Variants in SIL1 observed in about 807,000 individuals in gnomAD.
The protein encoded by SIL1 is SIL1 nucleotide exchange factor.
Under a neutral mutation model 49.1 loss-of-function variants are expected in SIL1, and 40 were observed. That is an observed-to-expected ratio of 0.81 (90% CI 0.63 to 1.06). SIL1 has a LOEUF of 1.06. Among genes scored for constraint, SIL1 ranks in the 50% least tolerant of loss-of-function variants. The pLI, the probability that SIL1 is intolerant of heterozygous loss-of-function variation, is 0.00. For synonymous variants in SIL1, 253 were observed against 250.8 expected (o/e 1.01, Z -0.08); for missense variants, 500 against 572.6 (o/e 0.87, Z 1.29).
intron 7 of SIL1, among the ~76,000 whole-genome samples, chr5:138,986,568 A>G (rs1350025959): frequency 6.6e-6 from 1 of 152,158 alleles, no homozygotes; most frequent in Non-Finnish European, 1.5e-5. Flanking sequence ...TCCCAGGCGC[A>G]GGACAACACC....
chr5:139,029,504 T>C (rs1304894552), intron 5 of SIL1, among the ~76,000 whole-genome samples: 1 of 152,094 alleles, frequency 6.6e-6, no homozygotes, highest in Non-Finnish European at 1.5e-5. Context: ...GCTTGCTCTA[T>C]GTCATAATTT....
intron 3 of SIL1, among the ~76,000 whole-genome samples, chr5:139,105,874 G>A (rs567658321): frequency 3.3e-5 from 5 of 152,340 alleles, no homozygotes; most frequent in South Asian, 2.1e-4. Flanking sequence ...GGCAGAAGCC[G>A]GCACAAGGCA....
chr5:139,009,097 A>G (rs1581026314), intron 7 of SIL1, among the ~76,000 whole-genome samples: 1 of 151,590 alleles, frequency 6.6e-6, no homozygotes, highest in East Asian at 1.9e-4. Context: ...GTGGGAGTCT[A>G]AGTCTCTTTG....
chr5:139,098,878 G>A (rs572719636), intron 3 of SIL1, among the ~76,000 whole-genome samples: 61 of 136,664 alleles, frequency 4.5e-4, no homozygotes, highest in Non-Finnish European at 7.1e-4. Context: ...GTGCAGTGGT[G>A]TGATCTCAGC....
At chr5:139,074,071 G>A (rs1028733601) in intron 3 of SIL1, among the ~76,000 whole-genome samples, 24 of 152,094 alleles carry the variant, frequency 1.6e-4, no homozygotes, top group African/African-American at 5.8e-4. Flanking sequence ...TTGTTTTGTT[G>A]TTTGAGACAA....
chr5:139,141,157 G>A (rs940116583), intron 1 of SIL1, among the ~76,000 whole-genome samples: 6 of 152,138 alleles, frequency 3.9e-5, no homozygotes, highest in Admixed American at 1.3e-4. Flanking sequence ...ATCTGACTGG[G>A]AGCTCCACAG....
At chr5:139,173,698 G>C (rs917391751) in intron 1 of SIL1, among the ~76,000 whole-genome samples, 1 of 150,042 alleles carries the variant, frequency 6.7e-6, no homozygotes, top group Non-Finnish European at 1.5e-5. Flanking sequence ...TGTAATCCCA[G>C]CACCTTGGGA....
At chr5:138,969,572 G>A (rs976268497) in intron 7 of SIL1, among the ~76,000 whole-genome samples, 1 of 152,218 alleles carries the variant, frequency 6.6e-6, no homozygotes, top group Non-Finnish European at 1.5e-5. Flanking sequence ...AGTCAGCTCT[G>A]CCCGAGGTCC....
intron 7 of SIL1, among the ~76,000 whole-genome samples, chr5:138,995,234 C>T (rs1365825164): frequency 6.7e-6 from 1 of 149,018 alleles, no homozygotes; most frequent in Non-Finnish European, 1.5e-5. Flanking sequence ...GGATATCTAT[C>T]ACCTTAAATA....
chr5:139,046,938 C>T (rs957231766), intron 4 of SIL1, among the ~76,000 whole-genome samples: 1 of 152,186 alleles, frequency 6.6e-6, no homozygotes, highest in Non-Finnish European at 1.5e-5. Context: ...TACTTCTGTG[C>T]TTATGTACCT....
At chr5:139,113,882 C>T (rs1770930839) in intron 3 of SIL1, among the ~76,000 whole-genome samples, 2 of 152,212 alleles carry the variant, frequency 1.3e-5, no homozygotes, top group Admixed American at 6.5e-5. Context: ...CTAAGTTTTC[C>T]ATCTCAGACA....
intron 1 of SIL1, among the ~76,000 whole-genome samples, chr5:139,151,717 A>G (rs777658920): frequency 6.6e-6 from 1 of 152,230 alleles, no homozygotes; most frequent in Non-Finnish European, 1.5e-5. Context: ...ACCACCAAGG[A>G]AAGAAAATTA....
intron 1 of SIL1, among the ~76,000 whole-genome samples, chr5:139,147,067 G>C (rs1350439758): frequency 6.6e-6 from 1 of 152,148 alleles, no homozygotes; most frequent in Non-Finnish European, 1.5e-5. Flanking sequence ...TGAACAAATA[G>C]GTGAATAAAT....
At chr5:139,152,234 T>C (rs1006672605) in intron 1 of SIL1, among the ~76,000 whole-genome samples, 26 of 152,136 alleles carry the variant, frequency 1.7e-4, no homozygotes, top group Admixed American at 1.7e-3. Flanking sequence ...TGATTTGGAG[T>C]AAATGGTCAG....
At chr5:139,176,929 T>C (rs1751895833) in intron 1 of SIL1, among the ~76,000 whole-genome samples, 1 of 131,924 alleles carries the variant, frequency 7.6e-6, no homozygotes, top group Admixed American at 8.5e-5. Context: ...CTGAGATTCT[T>C]TTTTTTTTTT....
intron 3 of SIL1, among the ~76,000 whole-genome samples, chr5:139,093,147 C>A (rs568315295): frequency 6.6e-6 from 1 of 152,166 alleles, no homozygotes; most frequent in African/African-American, 2.4e-5. Context: ...CCACAAAAGG[C>A]AAGTTCAGCC....
intron 6 of SIL1, chr5:139,022,519 G>A (rs972927971): frequency 6.6e-6 from 1 of 152,238 alleles, no homozygotes; most frequent in African/African-American, 2.4e-5. Flanking sequence ...TGAGCATATG[G>A]TTAGGTGTTC....
At chr5:138,964,418 A>C (rs921633751) in intron 7 of SIL1, among the ~76,000 whole-genome samples, 27 of 152,330 alleles carry the variant, frequency 1.8e-4, no homozygotes, top group Admixed American at 3.3e-4. Context: ...TGCTGGAGGA[A>C]TGACCTTGAC....
intron 3 of SIL1, among the ~76,000 whole-genome samples, chr5:139,091,790 G>A (rs1178490753): frequency 2.0e-5 from 3 of 152,168 alleles, no homozygotes; most frequent in African/African-American, 7.2e-5. Flanking sequence ...CTGAACAGAA[G>A]ACTCGGCTAA....
Sources: allele counts gnomAD v4.1 joint callset (sites outside exome capture counted in the v4.1 genomes callset), GRCh38; gene constraint gnomAD v4.1.1; transcripts MANE v1.5; gene names NCBI Gene and HGNC (gene_info 2026-07-23, HGNC 2026-07-21).